Variants in SPA17 observed in about 807,000 individuals in gnomAD.
SPA17 encodes sperm surface protein Sp17.
Under a neutral mutation model 13.8 loss-of-function variants are expected in SPA17, and 7 were observed. That is an observed-to-expected ratio of 0.51 (90% confidence interval 0.29 to 0.95). SPA17 has a LOEUF of 0.95. Among genes scored for constraint, SPA17 ranks in the 40% least tolerant of loss-of-function variants. SPA17 has a pLI of 0.08. For missense variants in SPA17, 170 were observed against 179.3 expected, an observed-to-expected ratio of 0.95 and a Z score of 0.30; for synonymous variants, 61 against 59.0, an observed-to-expected ratio of 1.03 and a Z score of -0.16.
chr11:124,682,060 C>G (rs1371850248), intron 3 of SPA17, among the ~76,000 whole-genome samples: 1 of 151,770 alleles, frequency 6.6e-6, no homozygotes, highest in Non-Finnish European at 1.5e-5. Flanking sequence ...TTTACAAAGA[C>G]AGCTTTCTCA....
intron 2 of SPA17, among the ~76,000 whole-genome samples, chr11:124,678,648 G>A (rs1002796762): frequency 6.6e-5 from 10 of 152,010 alleles, no homozygotes; most frequent in African/African-American, 2.4e-4. Flanking sequence ...CCAGGCTCAA[G>A]CAGCCTTCCC....
intron 1 of SPA17, chr11:124,674,617 T>C (rs535515926): frequency 6.6e-6 from 1 of 152,134 alleles, no homozygotes; most frequent in South Asian, 2.1e-4. Flanking sequence ...CCGAAAAATA[T>C]AAGAATTCTA....
In SPA17 at chr11:124,673,939, C is replaced by T. The variant is rs953303671; in HGVS notation, c.-41C>T. On this transcript the variant is annotated 5_prime_UTR_variant, in exon 1 of 5. Coordinates refer to ENST00000227135, the MANE Select transcript of SPA17 (RefSeq NM_017425.4). ...ACAACCGGAACCGGCGGCACCAGCT[C>T]GGAGAGAAAGGAGGTGAGGCCGCTT... The T allele has an allele frequency of 6.9e-6, 4 of 581,188 alleles. No homozygotes were observed. Among genetic ancestry groups the T allele is most frequent in the Admixed American group, 3.0e-5 (1 of 33,286 alleles). 36.0% of individuals were successfully genotyped at this position (581,188 alleles called of 1,614,324 possible).
rs1943683324 is a variant in SPA17 at position 124,697,438 on chromosome 11, T to C, written c.*2992T>C. On this transcript the variant is annotated 3_prime_UTR_variant, in exon 5 of 5. Coordinates refer to ENST00000227135, the MANE Select transcript of SPA17 (RefSeq NM_017425.4). ...TCTGAGCCCCTGCTGAAAGACGTTA[T>C]CCAGGACAAGCTCTTCTCATGCTGG... 1 of 152,210 alleles carries C rather than the reference T, an allele frequency of 6.6e-6. No homozygotes were observed. The highest frequency in any genetic ancestry group is 1.5e-5 in the Non-Finnish European group (1 of 68,070). The allele number at this position is 152,210 out of a possible 1,614,324, so 9.4% of individuals were successfully genotyped here. A position where few individuals can be genotyped will look rare whatever the true frequency, so the allele number is the denominator to read the frequency against.
At chr11:124,674,270 G>A in intron 1 of SPA17, 1 of 152,538 alleles carries the variant, frequency 6.6e-6, no homozygotes, top group Non-Finnish European at 1.5e-5. Context: ...AGGCGTGGTG[G>A]CGCGCGCCTG....
intron 3 of SPA17, among the ~76,000 whole-genome samples, chr11:124,684,543 C>T (rs1943559267): frequency 6.6e-6 from 1 of 152,196 alleles, no homozygotes; most frequent in African/African-American, 2.4e-5. Flanking sequence ...TGAGCCACTG[C>T]TTCCGGCCTA....
At position 124,681,383 on chromosome 11, in the gene SPA17, AT is replaced by A; in HGVS notation, c.155-3del. ...AATCTGAAGTTCTTATATTTTTATT[AT>A]TTAGAAACCAACTTTGATCCAGCAG... is the stretch of plus-strand genomic sequence containing the variant. On this transcript the variant is annotated splice_polypyrimidine_tract_variant and splice_region_variant and intron_variant, in intron 2 of 4. Transcript: ENST00000227135. 1 of 1,572,142 alleles carries A rather than the reference AT, an allele frequency of 6.4e-7. No homozygotes were observed. Among genetic ancestry groups the A allele is most frequent in the African/African-American group, 1.4e-5 (1 of 73,320 alleles).
intron 1 of SPA17, 33 bp downstream of exon 1, chr11:124,673,985 CA>C: frequency 3.8e-6 from 2 of 526,090 alleles, no homozygotes; most frequent in Non-Finnish European, 6.8e-6. Flanking sequence ...TCTCCGATAC[CA>C]AGACCTAGCC....
intron 2 of SPA17, among the ~76,000 whole-genome samples, chr11:124,680,844 T>C (rs1943522059): frequency 6.6e-6 from 1 of 152,130 alleles, no homozygotes; most frequent in African/African-American, 2.4e-5. Context: ...CTAGACAGTA[T>C]GCTCATGGGA....
chr11:124,685,336 G>T (rs1219559549), intron 3 of SPA17, among the ~76,000 whole-genome samples: 1 of 152,260 alleles, frequency 6.6e-6, no homozygotes, highest in African/African-American at 2.4e-5. Context: ...TACATGTGGT[G>T]TTGAGTTTGT....
chr11:124,676,328 A>G (rs1020834686), intron 2 of SPA17: 18 of 152,294 alleles, frequency 1.2e-4, no homozygotes, highest in African/African-American at 4.3e-4. Context: ...CAACCCCTGG[A>G]AAGCCATTGT....
At chr11:124,678,958 A>C (rs1397340769) in intron 2 of SPA17, among the ~76,000 whole-genome samples, 1 of 152,144 alleles carries the variant, frequency 6.6e-6, no homozygotes, top group African/African-American at 2.4e-5. Flanking sequence ...ACATGATAGA[A>C]AATATCTTGA....
At chr11:124,689,598 C>T (rs1943606521) in intron 3 of SPA17, among the ~76,000 whole-genome samples, 1 of 152,004 alleles carries the variant, frequency 6.6e-6, no homozygotes, top group Admixed American at 6.6e-5. Flanking sequence ...TTAGCATGCG[C>T]AACATGGTGA....
At chr11:124,692,977 G>C (rs912072337) in intron 4 of SPA17, among the ~76,000 whole-genome samples, 7 of 152,202 alleles carry the variant, frequency 4.6e-5, no homozygotes, top group Non-Finnish European at 1.0e-4. Flanking sequence ...TTTACAGGTT[G>C]TTCCACAATT....
At chr11:124,689,237 C>T (rs934177724) in intron 3 of SPA17, among the ~76,000 whole-genome samples, 33 of 152,260 alleles carry the variant, frequency 2.2e-4, no homozygotes, top group South Asian at 6.2e-4. Context: ...AGAAACTTTA[C>T]TGGATATTGG....
intron 3 of SPA17, among the ~76,000 whole-genome samples, chr11:124,689,641 G>C (rs1228707611): frequency 6.6e-6 from 1 of 151,932 alleles, no homozygotes; most frequent in Non-Finnish European, 1.5e-5. Context: ...GCCAGACGTG[G>C]TGGTGTGCAC....
At chr11:124,685,548 TAAG>T (rs919925813) in intron 3 of SPA17, among the ~76,000 whole-genome samples, 11 of 152,146 alleles carry the variant, frequency 7.2e-5, no homozygotes, top group African/African-American at 2.7e-4. Flanking sequence ...GGTGGAGCTG[TAAG>T]AAGAGGGCCA....
intron 2 of SPA17, chr11:124,675,621 T>C (rs756569753): frequency 3.9e-6 from 2 of 508,286 alleles, no homozygotes; most frequent in Non-Finnish European, 6.9e-6. Context: ...AGATTACCAG[T>C]TCATTATTCA....
chr11:124,691,754 A>C lies in SPA17; in HGVS notation c.284A>C (p.Lys95Thr). ...PKQEESQISG[K>T]EEETSVTILD... ...CAAGAAGAGTCTCAGATATCTGGGA[A>C]GGAGGAAGAGACATCAGTCACCATC... is the stretch of plus-strand genomic sequence containing the variant. The change falls in exon 4 of 5, where the codon AAG becomes ACG. Residue 95 changes from lysine (K) to threonine (T), a missense_variant. Physicochemically the swap from Lys to Thr is moderately conservative, Grantham distance 78. Coordinates refer to ENST00000227135, the MANE Select transcript of SPA17 (RefSeq NM_017425.4). 1 of 1,612,140 alleles carries C rather than the reference A, an allele frequency of 6.2e-7. No individual in the cohort carries two copies. The highest frequency in any genetic ancestry group is 8.5e-7 in the Non-Finnish European group (1 of 1,179,156).
Sources: allele counts gnomAD v4.1 joint callset (sites outside exome capture counted in the v4.1 genomes callset), GRCh38; gene constraint gnomAD v4.1.1; transcripts MANE v1.5; gene names NCBI Gene and HGNC (gene_info 2026-07-23, HGNC 2026-07-21).